NEDD4: variants seen among roughly 807,000 people sequenced by gnomAD.
The protein encoded by NEDD4 is E3 ubiquitin-protein ligase NEDD4.
NEDD4 carries 99 observed loss-of-function variants against 144.9 expected under a neutral mutation model. The ratio of observed to expected loss-of-function variants is 0.68; its 90% CI spans 0.58 to 0.81. The LOEUF is 0.81. Among genes scored for constraint, NEDD4 ranks in the 30% least tolerant of loss-of-function variants. NEDD4 has a pLI of 0.00. For missense variants in NEDD4, 985 were observed against 1,065.9 expected (o/e 0.92, Z 1.06); for synonymous variants, 318 against 350.6 (o/e 0.91, Z 1.04).
intron 7 of NEDD4, among the ~76,000 whole-genome samples, chr15:55,870,281 T>C (rs2142059579): frequency 6.6e-6 from 1 of 152,278 alleles, no homozygotes; most frequent in African/African-American, 2.4e-5. Flanking sequence ...AATCTGGCCA[T>C]ATTTTTTTGG....
intron 5 of NEDD4, among the ~76,000 whole-genome samples, chr15:55,890,348 A>T (rs2035527341): frequency 6.6e-6 from 1 of 152,140 alleles, no homozygotes; most frequent in Non-Finnish European, 1.5e-5. Context: ...ATCAGCATTC[A>T]CTGCCCATTT....
At chr15:55,981,922 T>C (rs2037810603) in intron 1 of NEDD4, among the ~76,000 whole-genome samples, 1 of 152,238 alleles carries the variant, frequency 6.6e-6, no homozygotes. Context: ...CTAGACTTTA[T>C]TCAATCAATA....
At chr15:55,969,109 A>C (rs2029900115) in intron 1 of NEDD4, among the ~76,000 whole-genome samples, 1 of 152,154 alleles carries the variant, frequency 6.6e-6, no homozygotes, top group African/African-American at 2.4e-5. Context: ...TGGCTGAGAG[A>C]GAATCTATGC....
chr15:55,958,260 C>T (rs1243413680), intron 2 of NEDD4, among the ~76,000 whole-genome samples: 1 of 152,148 alleles, frequency 6.6e-6, no homozygotes, highest in Non-Finnish European at 1.5e-5. Flanking sequence ...TTGTCAAAGG[C>T]ACATTCCATG....
chr15:55,963,140 T>A (rs1174907120), intron 2 of NEDD4, among the ~76,000 whole-genome samples: 34 of 151,038 alleles, frequency 2.3e-4, no homozygotes, highest in Admixed American at 1.2e-3. Flanking sequence ...TTTTTATTTT[T>A]TTTTTTTTTG....
chr15:55,911,401 C>T (rs999725754), intron 5 of NEDD4, among the ~76,000 whole-genome samples: 4 of 152,164 alleles, frequency 2.6e-5, no homozygotes, highest in African/African-American at 4.8e-5. Flanking sequence ...TATCAAGACT[C>T]GGTTCAAATG....
chr15:55,854,535 G>A (rs1431504853), intron 12 of NEDD4, among the ~76,000 whole-genome samples: 2 of 152,060 alleles, frequency 1.3e-5, no homozygotes, highest in African/African-American at 2.4e-5. Flanking sequence ...CACACCCTAC[G>A]AGTCCCTTTA....
chr15:55,925,302 C>T (rs758625505), intron 4 of NEDD4, among the ~76,000 whole-genome samples: 13 of 152,068 alleles, frequency 8.5e-5, no homozygotes, highest in Non-Finnish European at 1.6e-4. Context: ...TGTTTGCAAA[C>T]GCTTATAAAT....
intron 1 of NEDD4, among the ~76,000 whole-genome samples, chr15:55,968,879 T>A (rs1291428132): frequency 1.3e-5 from 2 of 152,202 alleles, no homozygotes; most frequent in African/African-American, 4.8e-5. Flanking sequence ...CGGAGCAAGA[T>A]GGCTCATTAG....
chr15:55,957,678 T>C (rs1248236336), intron 2 of NEDD4, among the ~76,000 whole-genome samples: 1 of 152,214 alleles, frequency 6.6e-6, no homozygotes, highest in African/African-American at 2.4e-5. Context: ...CACATGTATG[T>C]TTATTACGGC....
rs574375634 is a variant in NEDD4 at position 55,827,049 on chromosome 15, A to T, written c.*2848T>A. 6.6e-6 allele frequency: 1 copy of T among 152,358 alleles called. No individual in the cohort carries two copies. The highest frequency in any genetic ancestry group is 2.4e-5 in the African/African-American group (1 of 41,592). 9.4% of individuals were successfully genotyped at this position (152,358 alleles called of 1,614,324 possible). ...TGATATATATATTTACTGTGTCAGA[A>T]GATTTTAAAAAGTCAAATAGTTTAT... On this transcript the variant is annotated 3_prime_UTR_variant, in exon 29 of 29. Transcript: ENST00000435532.
intron 8 of NEDD4, among the ~76,000 whole-genome samples, chr15:55,866,954 T>G (rs1412201961): frequency 6.6e-6 from 1 of 152,244 alleles, no homozygotes; most frequent in Non-Finnish European, 1.5e-5. Flanking sequence ...AGCCAATATG[T>G]AATTGCTCAC....
chr15:55,986,575 CCTT>C (rs2037895565), intron 1 of NEDD4, among the ~76,000 whole-genome samples: 2 of 143,392 alleles, frequency 1.4e-5, no homozygotes, highest in South Asian at 4.4e-4. Flanking sequence ...TAAGGCCTGT[CCTT>C]GCTTTTTTTT....
chr15:55,915,816 C>G (rs752047492), intron 5 of NEDD4: 3 of 1,613,798 alleles, frequency 1.9e-6, no homozygotes, highest in South Asian at 1.1e-5. Context: ...CCGTATGTCT[C>G]TTACTTCTCC....
At chr15:55,977,203 A>G (rs1330422048) in intron 1 of NEDD4, among the ~76,000 whole-genome samples, 1 of 152,348 alleles carries the variant, frequency 6.6e-6, no homozygotes, top group African/African-American at 2.4e-5. Flanking sequence ...CCAATGATGG[A>G]CAGCATATAT....
chr15:55,914,612 T>A (rs1475827321), intron 5 of NEDD4, among the ~76,000 whole-genome samples: 1 of 151,968 alleles, frequency 6.6e-6, no homozygotes, highest in African/African-American at 2.4e-5. Flanking sequence ...CAGTATTAAC[T>A]CGTGGCTAAA....
At chr15:55,870,541 T>G (rs1382876770) in intron 7 of NEDD4, among the ~76,000 whole-genome samples, 1 of 142,198 alleles carries the variant, frequency 7.0e-6, no homozygotes, top group Non-Finnish European at 1.5e-5. Flanking sequence ...TTTTTTTTTT[T>G]TTTTTGTTTT....
At chr15:55,830,200 A>C (rs1428183759) in intron 28 of NEDD4, among the ~76,000 whole-genome samples, 1 of 152,164 alleles carries the variant, frequency 6.6e-6, no homozygotes, top group Non-Finnish European at 1.5e-5. Context: ...TGCTGCCCCC[A>C]CCACATCTTC....
At chr15:55,896,143 C>G in intron 5 of NEDD4, among the ~76,000 whole-genome samples, 1 of 152,142 alleles carries the variant, frequency 6.6e-6, no homozygotes, top group East Asian at 1.9e-4. Context: ...CCCTCTCAAG[C>G]TCACTCAGCA....
Sources: gnomAD v4.1 joint callset for allele counts (sites outside exome capture counted in the v4.1 genomes callset) on GRCh38, gnomAD v4.1.1 for gene constraint, MANE v1.5 for transcripts, NCBI Gene and HGNC (gene_info 2026-07-23, HGNC 2026-07-21) for gene names.